Variants in FRAS1 observed in about 807,000 individuals in gnomAD.
The protein encoded by FRAS1 is Fraser extracellular matrix complex subunit 1.
In FRAS1, 290 loss-of-function variants were observed where a neutral mutation model predicts 435.2. The observed-to-expected ratio is 0.67, with a 90% CI of 0.61 to 0.73. FRAS1 has a LOEUF of 0.73. FRAS1 is among the 30% of genes least tolerant of loss of function. The probability of loss-of-function intolerance (pLI) is 0.00; values close to 1 mark genes in which losing one functional copy is unlikely to be tolerated. For missense variants in FRAS1, 4,860 were observed against 5,001.5 expected (o/e 0.97, Z 0.85); for synonymous variants, 1,800 against 1,851.0 (o/e 0.97, Z 0.71).
At chr4:78,285,012 C>T (rs898467798) in intron 13 of FRAS1, among the ~76,000 whole-genome samples, 2 of 152,070 alleles carry the variant, frequency 1.3e-5, no homozygotes, top group African/African-American at 4.8e-5. Flanking sequence ...CCAACTTGCT[C>T]AATATCAAAC....
At chr4:78,210,921 A>C (rs1477876104) in intron 2 of FRAS1, among the ~76,000 whole-genome samples, 1 of 152,020 alleles carries the variant, frequency 6.6e-6, no homozygotes, top group East Asian at 1.9e-4. Context: ...GTTTATGGGC[A>C]CCCCATGTCC....
intron 2 of FRAS1, among the ~76,000 whole-genome samples, chr4:78,198,628 A>G (rs1722920638): frequency 6.6e-6 from 1 of 152,298 alleles, no homozygotes; most frequent in South Asian, 2.1e-4. Context: ...TGTTTCCACT[A>G]CAGTTGACCC....
In FRAS1 at chr4:78,259,563, T is replaced by C. The variant is rs531752065; in HGVS notation, c.603+4188T>C. ...ACTTTTTGATAGGGTTGTTTGTTTT[T>C]TTCTTGTAAATTTGTTTGAGTTCAT... On this transcript the variant is annotated intron_variant, in intron 6 of 73. Coordinates refer to ENST00000512123, the MANE Select transcript of FRAS1 (RefSeq NM_025074.7). Among the ~76,000 whole-genome samples, 30 of 151,956 alleles carry C rather than the reference T, an allele frequency of 2.0e-4. No individual in the cohort carries two copies. The East Asian group carries it at 2.9e-3, about 15-fold the overall frequency.
Position 78,201,266 on chromosome 4 carries a change from T to C in FRAS1, c.109-36244T>C, listed in dbSNP as rs77631028. Among the ~76,000 whole-genome samples, 1,289 of 152,340 alleles carry C rather than the reference T, an allele frequency of 8.5e-3. 15 individuals are homozygous for C. The highest frequency in any genetic ancestry group is 0.03 in the African/African-American group (1,230 of 41,578). ...TGATGAAATGCTTATTTAGTAAATA[T>C]GAAGATACTATAGTTATTTTATTAA... On this transcript the variant is annotated intron_variant, in intron 2 of 73. Transcript: ENST00000512123.
chr4:78,115,288 C>T (rs1213494821), intron 2 of FRAS1, among the ~76,000 whole-genome samples: 1 of 152,092 alleles, frequency 6.6e-6, no homozygotes, highest in Non-Finnish European at 1.5e-5. Flanking sequence ...GTCTGAAATT[C>T]TATTTTTTTG....
intron 6 of FRAS1, 88 bp downstream of exon 6, chr4:78,255,463 A>G (rs958683187): frequency 7.5e-7 from 1 of 1,329,578 alleles, no homozygotes; most frequent in East Asian, 2.5e-5. Context: ...AGGCCTCAGA[A>G]GCACTAGAAA....
chr4:78,407,625 A>G (rs771130354), intron 30 of FRAS1, 38 bp from the exon 31 acceptor site: 2 of 1,539,534 alleles, frequency 1.3e-6, no homozygotes, highest in Admixed American at 2.1e-5. Context: ...GACTTTTCCT[A>G]GGGACCCTCA....
At chr4:78,260,351 C>T (rs1403682488) in intron 6 of FRAS1, among the ~76,000 whole-genome samples, 1 of 152,088 alleles carries the variant, frequency 6.6e-6, no homozygotes, top group Non-Finnish European at 1.5e-5. Context: ...AATGTTCTTC[C>T]ATTTGTTTGT....
At chr4:78,521,972 C>A (rs75265139) in intron 68 of FRAS1, among the ~76,000 whole-genome samples, 6 of 152,068 alleles carry the variant, frequency 3.9e-5, no homozygotes, top group African/African-American at 1.4e-4. Context: ...GTTCCACAAA[C>A]GTCTTTTCCA....
chr4:78,293,248 G>T (rs1727984241), intron 14 of FRAS1, among the ~76,000 whole-genome samples: 1 of 152,192 alleles, frequency 6.6e-6, no homozygotes, highest in South Asian at 2.1e-4. Context: ...GATAGGAAAT[G>T]ATCAGTCATT....
intron 3 of FRAS1, among the ~76,000 whole-genome samples, chr4:78,238,996 C>G (rs764549651): frequency 2.6e-5 from 4 of 152,122 alleles, no homozygotes; most frequent in Admixed American, 1.3e-4. Flanking sequence ...AATCAAATTT[C>G]ACCATTGATA....
At chr4:78,091,649 C>G (rs4367202) in intron 2 of FRAS1, among the ~76,000 whole-genome samples, 43,862 of 145,778 alleles carry the variant, frequency 0.3, 6,647 homozygotes, top group African/African-American at 0.36. Context: ...GTGTGTGAAT[C>G]TATATATATA....
At chr4:78,058,831 G>A (rs1007963930) in intron 1 of FRAS1, among the ~76,000 whole-genome samples, 6 of 152,200 alleles carry the variant, frequency 3.9e-5, no homozygotes, top group African/African-American at 1.4e-4. Context: ...AATGCAATCC[G>A]GGCTCAGCCA....
chr4:78,372,711 T>A lies in FRAS1; in HGVS notation c.2870-7T>A, dbSNP rs1451774777. Reference sequence around the variant, plus strand: ...GGAAGATAATCTAATGCAGACTTTCTTTTTAGAGTGTGATTGGAGCTGCAG... The same window carrying A: ...GGAAGATAATCTAATGCAGACTTTCATTTTAGAGTGTGATTGGAGCTGCAG... On this transcript the variant is annotated splice_polypyrimidine_tract_variant and splice_region_variant and intron_variant, in intron 23 of 73. Coordinates refer to ENST00000512123, the MANE Select transcript of FRAS1 (RefSeq NM_025074.7). 1.2e-6 allele frequency: 2 copies of A among 1,612,196 alleles called. No homozygotes were observed.
chr4:78,181,280 T>A, intron 2 of FRAS1: 1 of 1,605,916 alleles, frequency 6.2e-7, no homozygotes, highest in Non-Finnish European at 8.5e-7. Flanking sequence ...CTCCTTATTT[T>A]CAGTGTCTGC....
At chr4:78,436,271 C>T (rs1476587972) in intron 38 of FRAS1, among the ~76,000 whole-genome samples, 1 of 152,106 alleles carries the variant, frequency 6.6e-6, no homozygotes, top group Non-Finnish European at 1.5e-5. Flanking sequence ...AGATAGTCGC[C>T]TTCATTAGTG....
chr4:78,321,357 C>T (rs929717548), intron 18 of FRAS1, among the ~76,000 whole-genome samples: 7 of 152,124 alleles, frequency 4.6e-5, no homozygotes, highest in African/African-American at 1.4e-4. Context: ...ATCCAGTATC[C>T]GTGCTATAAA....
intron 69 of FRAS1, among the ~76,000 whole-genome samples, chr4:78,524,561 G>A (rs1284266899): frequency 6.6e-6 from 1 of 152,208 alleles, no homozygotes. Context: ...TGACATGTTT[G>A]AAGGGATCAT....
At chr4:78,261,619 T>C (rs974438983) in intron 6 of FRAS1, among the ~76,000 whole-genome samples, 15 of 152,024 alleles carry the variant, frequency 9.9e-5, no homozygotes, top group East Asian at 1.9e-4. Context: ...CTTACACCCA[T>C]ACAAAAGAAA....
Sources: allele counts gnomAD v4.1 joint callset (sites outside exome capture counted in the v4.1 genomes callset), GRCh38; gene constraint gnomAD v4.1.1; transcripts MANE v1.5; gene names NCBI Gene and HGNC (gene_info 2026-07-23, HGNC 2026-07-21).